The following PSG5 variants were observed in gnomAD, a reference collection of about 807,000 sequenced individuals.
PSG5 encodes pregnancy specific beta-1-glycoprotein 5.
In PSG5, 53 loss-of-function variants were observed where a neutral mutation model predicts 37.7. The observed-to-expected ratio is 1.41, with a 90% CI of 1.13 to 1.77. The LOEUF (loss-of-function observed/expected upper bound fraction) is 1.77, where lower values mean the gene tolerates loss of function less well. PSG5 is among the 40% of genes most tolerant of loss of function. The probability of loss-of-function intolerance (pLI) is 0.00; values close to 1 mark genes in which losing one functional copy is unlikely to be tolerated. For synonymous variants in PSG5, 221 were observed against 155.4 expected (o/e 1.42, Z -3.14); for missense variants, 547 against 405.2 (o/e 1.35, Z -3.00).
At position 43,173,328 on chromosome 19, in the gene PSG5, A is replaced by G. The variant is rs146886629; in HGVS notation, c.964+1887T>C. ...ATTTCTTGGTTGTAACAACAAAAGC[A>G]TAGGCAACAAATAAAATGGATTAAT... On this transcript the variant is annotated intron_variant, in intron 4 of 5. Coordinates refer to ENST00000342951, the MANE Select transcript of PSG5 (RefSeq NM_002781.4). Among the ~76,000 whole-genome samples the G allele has an allele frequency of 7.7e-3, 1,176 of 151,918 alleles. 26 individuals are homozygous for G. Among genetic ancestry groups the G allele is most frequent in the Non-Finnish European group, 8.3e-3 (565 of 67,930 alleles).
intron 5 of PSG5, 82 bp from the exon 6 acceptor site, chr19:43,168,285 A>C (rs917208544): frequency 5.5e-6 from 2 of 366,786 alleles, no homozygotes; most frequent in African/African-American, 4.2e-5. Flanking sequence ...CTCACATAGA[A>C]ATCCAGTTAC....
At position 43,167,892 on chromosome 19, in the gene PSG5, T is replaced by G. The variant is rs551613459; in HGVS notation, c.*352A>C. ...TTACCAATTGCTCAAGAAAAAAAGT[T>G]CATAAATCTGGAGAATAAAACATTC... On this transcript the variant is annotated 3_prime_UTR_variant, in exon 6 of 6. Coordinates refer to ENST00000342951, the MANE Select transcript of PSG5 (RefSeq NM_002781.4). 1.6e-5 allele frequency: 6 copies of G among 365,728 alleles called. No homozygotes were observed. The highest frequency in any genetic ancestry group is 6.3e-5 in the African/African-American group (3 of 47,320). 22.7% of individuals were successfully genotyped at this position (365,728 alleles called of 1,614,324 possible). A position where few individuals can be genotyped will look rare whatever the true frequency, so the allele number is the denominator to read the frequency against.
At chr19:43,185,499 G>A (rs61179876) in intron 1 of PSG5, among the ~76,000 whole-genome samples, 23 of 147,474 alleles carry the variant, frequency 1.6e-4, no homozygotes, top group Admixed American at 5.5e-4. Context: ...TTCCTGACAC[G>A]TCCTTCAGAG....
rs185005194 is a variant in PSG5 at position 43,180,148 on chromosome 19, C to A, written c.431-4000G>T. Among the ~76,000 whole-genome samples the A allele has an allele frequency of 7.9e-3, 1,191 of 151,644 alleles. 35 individuals are homozygous for A. The highest frequency in any genetic ancestry group is 0.011 in the Non-Finnish European group (768 of 67,904). ...TTTGACTACTCTATGTACCTCATAT[C>A]AGTGGATTCCAGAGTGAATCAGAGA... On this transcript the variant is annotated intron_variant, in intron 2 of 5. Transcript: ENST00000342951.
rs62115031 is a variant in PSG5, at chr19:43,185,281, C to G, written c.65-134G>C. On this transcript the variant is annotated intron_variant, in intron 1 of 5. Coordinates refer to ENST00000342951, the MANE Select transcript of PSG5 (RefSeq NM_002781.4). The stretch of plus-strand genomic sequence containing the variant: ...ACACACACACAAACACACACACACA[C>G]AAAAGGTGCATGTTAGTTTGTGTGT... 154 of 1,227,634 alleles carry G rather than the reference C, an allele frequency of 1.3e-4. 6 individuals are homozygous for G. In the African/African-American group the frequency reaches 2.1e-3, roughly 17 times the overall value. 76.0% of individuals were successfully genotyped at this position (1,227,634 alleles called of 1,614,324 possible).
Position 43,183,547 on chromosome 19 carries a change from G to A in PSG5, c.430+1235C>T, listed in dbSNP as rs563851719. 3.6e-4 allele frequency: 179 copies of A among 502,902 alleles called. 4 individuals carry two copies. Among genetic ancestry groups the A allele is most frequent in the African/African-American group, 2.7e-3 (135 of 50,090 alleles). The allele number at this position is 502,902 out of a possible 1,614,324, so 31.2% of individuals were successfully genotyped here. Reference sequence around the variant, plus strand: ...GACATGGGCACTTTGGGAAACACAGGATTTCAGGTTCAGTGATGGGGGTTA... The same window carrying A: ...GACATGGGCACTTTGGGAAACACAGAATTTCAGGTTCAGTGATGGGGGTTA... On this transcript the variant is annotated intron_variant, in intron 2 of 5. Transcript: ENST00000342951.
chr19:43,177,177 C>T (rs1353400507), intron 2 of PSG5, among the ~76,000 whole-genome samples: 1 of 151,556 alleles, frequency 6.6e-6, no homozygotes, highest in Admixed American at 6.6e-5. Flanking sequence ...GAAGAGACTG[C>T]TGTTTGCCAG....
rs1056383075 is a variant in PSG5, at chr19:43,184,661, C to T, written c.430+121G>A. ...TGTGTCCTGCACTAAATGCCCAAAC[C>T]GCAGCATGGGACATAATGCAGAGAG... On this transcript the variant is annotated intron_variant, in intron 2 of 5. Coordinates refer to ENST00000342951, the MANE Select transcript of PSG5 (RefSeq NM_002781.4). 118 of 1,549,256 alleles carry T rather than the reference C, an allele frequency of 7.6e-5. No homozygotes were observed. The East Asian group carries it at 2.3e-3, about 30-fold the overall frequency.
intron 4 of PSG5, 173 bp downstream of exon 4, chr19:43,175,042 C>G: frequency 6.6e-7 from 1 of 1,524,684 alleles, no homozygotes; most frequent in Non-Finnish European, 8.8e-7. Context: ...AACAGAAAAA[C>G]AAGGAGAAGA....
chr19:43,175,504 A>G (rs1968989591), intron 3 of PSG5, 35 bp from the exon 4 acceptor site: 1 of 1,576,934 alleles, frequency 6.3e-7, no homozygotes, highest in African/African-American at 1.4e-5. Flanking sequence ...AGGTGATGTC[A>G]TCCAAGGGAA....
intron 2 of PSG5, among the ~76,000 whole-genome samples, chr19:43,183,034 G>A (rs1019729635): frequency 1.3e-5 from 2 of 151,036 alleles, no homozygotes; most frequent in African/African-American, 4.9e-5. Context: ...CCTAGGGGTG[G>A]GGGAAGAAGC....
rs767287427 is a variant in PSG5 at position 43,175,473 on chromosome 19, G to A, written c.710-4C>T. ...ATGCTGGGGAGGTCTGGACCATCTG[G>A]AGCAAAGAGAATGAAGCCACAGGTG... On this transcript the variant is annotated splice_polypyrimidine_tract_variant and splice_region_variant and intron_variant, in intron 3 of 5. Coordinates refer to ENST00000342951, the MANE Select transcript of PSG5 (RefSeq NM_002781.4). 3.7e-6 allele frequency: 6 copies of A among 1,601,900 alleles called. No homozygotes were observed. Among genetic ancestry groups the A allele is most frequent in the South Asian group, 1.1e-5 (1 of 89,210 alleles).
chr19:43,186,296 A>G, intron 1 of PSG5, 46 bp downstream of exon 1: 1 of 1,608,732 alleles, frequency 6.2e-7, no homozygotes, highest in Non-Finnish European at 8.5e-7. Context: ...CAATCCAGTC[A>G]CTCTTCTTCC....
intron 2 of PSG5, among the ~76,000 whole-genome samples, chr19:43,179,457 A>T (rs1194886276): frequency 6.6e-6 from 1 of 151,628 alleles, no homozygotes; most frequent in Non-Finnish European, 1.5e-5. Flanking sequence ...AGTTCCTCCG[A>T]CTAAAACTGC....
At chr19:43,173,587 T>TA (rs1968946083) in intron 4 of PSG5, among the ~76,000 whole-genome samples, 1 of 151,574 alleles carries the variant, frequency 6.6e-6, no homozygotes, top group Non-Finnish European at 1.5e-5. Flanking sequence ...AAATATCCAA[T>TA]AAGCCCATGC....
chr19:43,175,185 C>G, intron 4 of PSG5, 30 bp downstream of exon 4: 3 of 1,612,312 alleles, frequency 1.9e-6, no homozygotes, highest in Non-Finnish European at 2.5e-6. Flanking sequence ...ACCTAAAACC[C>G]TATTGCCAAG....
intron 2 of PSG5, among the ~76,000 whole-genome samples, chr19:43,181,259 C>T (rs1969122168): frequency 6.6e-6 from 1 of 151,572 alleles, no homozygotes; most frequent in South Asian, 2.1e-4. Flanking sequence ...TCCACAACTA[C>T]AAAATTTAAA....
rs768751211 is a variant in PSG5, at chr19:43,185,110, A to C, written c.102T>G (p.Ala34=). Residue 34 remains alanine (A), a synonymous_variant, in exon 2 of 6, where the codon GCT becomes GCG. Transcript: ENST00000342951. ...GTGGCAGGGCTTCAATCGTGACTTG[A>C]GCAGTGATAGGCAGGTTCCAGAAGT... The part of the protein sequence containing the change: ...LLNFWNLPIT[A]QVTIEALPPK... 1 of 1,610,688 alleles carries C rather than the reference A, an allele frequency of 6.2e-7. No homozygotes were observed. The highest frequency in any genetic ancestry group is 8.5e-7 in the Non-Finnish European group (1 of 1,177,954).
chr19:43,174,879 GA>G (rs773532982), intron 4 of PSG5: 5 of 1,185,970 alleles, frequency 4.2e-6, no homozygotes, highest in Non-Finnish European at 5.7e-6. Context: ...AGACATGGCA[GA>G]AGGGGATGTG....
Sources: allele counts gnomAD v4.1 joint callset (sites outside exome capture counted in the v4.1 genomes callset), GRCh38; gene constraint gnomAD v4.1.1; transcripts MANE v1.5; gene names NCBI Gene and HGNC (gene_info 2026-07-23, HGNC 2026-07-21).